Variants in COPE observed in about 807,000 individuals in gnomAD.
COPE encodes the protein coat protein complex I subunit epsilon.
In COPE, 19 loss-of-function variants were observed where a neutral mutation model predicts 42.1. The observed-to-expected ratio is 0.45, with a 90% CI of 0.31 to 0.66. The LOEUF is 0.66. COPE is among the 30% of genes least tolerant of loss of function. The pLI, the probability that COPE is intolerant of heterozygous loss-of-function variation, is 0.05. For missense variants in COPE, 402 were observed against 416.1 expected (o/e 0.97, Z 0.30); for synonymous variants, 195 against 181.3 (o/e 1.08, Z -0.60).
At chr19:18,906,668 G>T (rs960729197) in intron 4 of COPE, 9 of 308,690 alleles carry the variant, frequency 2.9e-5, no homozygotes, top group African/African-American at 1.1e-4. Flanking sequence ...GGCTTCGTGG[G>T]GGGTGGGGAC....
intron 1 of COPE, among the ~76,000 whole-genome samples, chr19:18,913,622 G>C (rs890155537): frequency 2.0e-5 from 3 of 152,042 alleles, no homozygotes; most frequent in African/African-American, 4.8e-5. Context: ...CCGCTCTCCA[G>C]AACACAGCTT....
rs1268086611 is a variant in COPE, at chr19:18,902,823, AGG to A, written c.735+443_735+444del. Among the ~76,000 whole-genome samples, 7 of 93,076 alleles carry A rather than the reference AGG, an allele frequency of 7.5e-5. 2 individuals carry two copies. The highest frequency in any genetic ancestry group is 3.8e-4 in the Admixed American group (4 of 10,448). The allele number at this position is 93,076 out of a possible 152,430, so 61.1% of individuals were successfully genotyped here. A position where few individuals can be genotyped will look rare whatever the true frequency, so the allele number is the denominator to read the frequency against. On this transcript the variant is annotated intron_variant, in intron 7 of 9. Transcript: ENST00000262812. ...AAGGAAGGAAGGAAGGAAGGAAGGA[AGG>A]AAGAAAAGACTGCAGACATCAGGCA...
chr19:18,904,947 G>A, intron 5 of COPE, 95 bp from the exon 6 acceptor site: 1 of 1,253,022 alleles, frequency 8.0e-7, no homozygotes, highest in South Asian at 1.3e-5. Flanking sequence ...CCGGAGCCTG[G>A]GGATGGCCCC....
At chr19:18,911,553 C>T (rs967863958) in intron 2 of COPE, among the ~76,000 whole-genome samples, 7 of 142,496 alleles carry the variant, frequency 4.9e-5, no homozygotes, top group Non-Finnish European at 1.1e-4. Context: ...GGTTCCTTCC[C>T]CATTTTTTTT....
intron 6 of COPE, among the ~76,000 whole-genome samples, chr19:18,904,469 AG>A (rs1335893016): frequency 1.3e-5 from 2 of 152,242 alleles, no homozygotes; most frequent in Non-Finnish European, 2.9e-5. Context: ...AGAAAACCCC[AG>A]GAAGCCCTGA....
At chr19:18,906,782 G>A in intron 4 of COPE, 178 bp downstream of exon 4, 1 of 659,708 alleles carries the variant, frequency 1.5e-6, no homozygotes, top group Non-Finnish European at 2.5e-6. Context: ...GTGCGCAGAT[G>A]GGAGTGCCTC....
chr19:18,912,782 CT>C (rs2056822256), intron 2 of COPE, among the ~76,000 whole-genome samples: 1 of 151,908 alleles, frequency 6.6e-6, no homozygotes. Flanking sequence ...CCCAGGCCCC[CT>C]GGCCTGGCAG....
chr19:18,903,077 C>G (rs925876504), intron 7 of COPE, among the ~76,000 whole-genome samples, 191 bp downstream of exon 7: 1 of 152,088 alleles, frequency 6.6e-6, no homozygotes, highest in African/African-American at 2.4e-5. Flanking sequence ...TCTGTGAGGC[C>G]GGAATCTGGA....
chr19:18,911,267 C>A, intron 2 of COPE, 196 bp from the exon 3 acceptor site: 1 of 596,586 alleles, frequency 1.7e-6, no homozygotes, highest in Non-Finnish European at 3.0e-6. Context: ...GGTGTGCCCT[C>A]ATCTGCAGGG....
Position 18,905,577 on chromosome 19 carries a change from G to C in COPE, c.496C>G (p.Arg166Gly), listed in dbSNP as rs536383915. The change falls in exon 5 of 10, where the codon CGG becomes GGG. Residue 166 changes from arginine (R) to glycine (G), a missense_variant and splice_region_variant. Transcript: ENST00000262812. ...LLKLDRLDLA[R>G]KELKRMQDLD... ...GTGGAGAGGGGCAGGAGGGCTCACCGGGCGAGGTCCAGGCGGTCCAGCTTC... is the reference window on the plus strand; with the variant it reads ...GTGGAGAGGGGCAGGAGGGCTCACCCGGCGAGGTCCAGGCGGTCCAGCTTC... 5.8e-5 allele frequency: 92 copies of C among 1,590,490 alleles called. 1 individual carries two copies. The East Asian group carries it at 2.1e-3, about 36-fold the overall frequency.
chr19:18,903,168 C>A, intron 7 of COPE, 100 bp downstream of exon 7: 1 of 1,302,916 alleles, frequency 7.7e-7, no homozygotes, highest in Non-Finnish European at 1.0e-6. Flanking sequence ...ACACGCACAC[C>A]CAGGGGGTCT....
intron 1 of COPE, among the ~76,000 whole-genome samples, chr19:18,915,884 ACGT>A (rs892545951): frequency 6.6e-6 from 1 of 152,182 alleles, no homozygotes; most frequent in Non-Finnish European, 1.5e-5. Context: ...AAACCCAGAA[ACGT>A]CATGATGGTA....
intron 7 of COPE, among the ~76,000 whole-genome samples, chr19:18,902,436 G>A (rs1228903783): frequency 2.7e-5 from 4 of 150,188 alleles, no homozygotes; most frequent in Non-Finnish European, 4.4e-5. Flanking sequence ...AGGCTGAGGC[G>A]GGTGGATCAC....
intron 2 of COPE, 125 bp from the exon 3 acceptor site, chr19:18,911,196 G>T (rs763542826): frequency 1.2e-5 from 10 of 808,560 alleles, no homozygotes; most frequent in Non-Finnish European, 2.1e-5. Flanking sequence ...GCCCAGCATG[G>T]GCCACCTCCA....
chr19:18,910,865 G>A (rs954724867), intron 3 of COPE, 106 bp downstream of exon 3: 2 of 955,764 alleles, frequency 2.1e-6, no homozygotes, highest in Non-Finnish European at 3.3e-6. Context: ...CCTAATCTGA[G>A]GGATGCTGTG....
intron 4 of COPE, chr19:18,906,002 C>A (rs1052207798): frequency 4.6e-6 from 2 of 431,858 alleles, no homozygotes; most frequent in Non-Finnish European, 8.2e-6. Context: ...TGCACCTGCA[C>A]CTGCAGCAGA....
intron 8 of COPE, 60 bp from the exon 9 acceptor site, chr19:18,900,007 C>A: frequency 6.7e-7 from 1 of 1,491,546 alleles, no homozygotes; most frequent in South Asian, 1.2e-5. Context: ...TGGCTCTGAC[C>A]TGCTGGACAG....
chr19:18,918,654 C>T (rs1225934732), intron 1 of COPE, among the ~76,000 whole-genome samples: 1 of 152,166 alleles, frequency 6.6e-6, no homozygotes, highest in Non-Finnish European at 1.5e-5. Flanking sequence ...GTCTCGAACT[C>T]CTGGGCGCAT....
intron 1 of COPE, among the ~76,000 whole-genome samples, chr19:18,917,233 CTTTT>C (rs1224483756): frequency 2.8e-5 from 3 of 108,930 alleles, no homozygotes; most frequent in Admixed American, 2.3e-4. Context: ...TAGAAACATT[CTTTT>C]TTTCTTTTTT....
Sources: allele counts gnomAD v4.1 joint callset (sites outside exome capture counted in the v4.1 genomes callset), GRCh38; gene constraint gnomAD v4.1.1; transcripts MANE v1.5; gene names NCBI Gene and HGNC (gene_info 2026-07-23, HGNC 2026-07-21).